The following KAT2B variants were observed in gnomAD, a reference collection of about 807,000 sequenced individuals.
KAT2B encodes the protein lysine acetyltransferase 2B, also known as histone acetyltransferase KAT2B.
In KAT2B, 36 loss-of-function variants were observed where a neutral mutation model predicts 105.9. The ratio of observed to expected loss-of-function variants is 0.34; its 90% CI spans 0.26 to 0.45. The LOEUF (loss-of-function observed/expected upper bound fraction) is 0.45, where lower values mean the gene tolerates loss of function less well. KAT2B is among the 20% of genes least tolerant of loss of function. The pLI, the probability that KAT2B is intolerant of heterozygous loss-of-function variation, is 1.00. For missense variants in KAT2B, 820 were observed against 1,021.6 expected, an observed-to-expected ratio of 0.80 and a Z score of 2.69; for synonymous variants, 397 against 377.9, an observed-to-expected ratio of 1.05 and a Z score of -0.59.
intron 1 of KAT2B, among the ~76,000 whole-genome samples, chr3:20,051,928 A>T (rs568393403): frequency 6.6e-6 from 1 of 152,352 alleles, no homozygotes; most frequent in East Asian, 1.9e-4. Flanking sequence ...TTTAACATTA[A>T]ATTCCATGGG....
At chr3:20,098,176 G>T (rs1386509665) in intron 3 of KAT2B, among the ~76,000 whole-genome samples, 1 of 151,618 alleles carries the variant, frequency 6.6e-6, no homozygotes, top group African/African-American at 2.4e-5. Context: ...GTTGCCATGA[G>T]CTGAGATCAT....
chr3:20,041,755 C>A (rs543992531), intron 1 of KAT2B, among the ~76,000 whole-genome samples: 12 of 152,344 alleles, frequency 7.9e-5, no homozygotes, highest in African/African-American at 2.9e-4. Flanking sequence ...CACACACTCA[C>A]ACCTCCCTGT....
chr3:20,075,667 A>C (rs1414696005), intron 2 of KAT2B, among the ~76,000 whole-genome samples: 1 of 151,492 alleles, frequency 6.6e-6, no homozygotes, highest in Admixed American at 6.6e-5. Context: ...GGATACACAG[A>C]CAGCCAGATG....
At chr3:20,106,279 G>C (rs1699001029) in intron 5 of KAT2B, among the ~76,000 whole-genome samples, 1 of 152,170 alleles carries the variant, frequency 6.6e-6, no homozygotes, top group Admixed American at 6.5e-5. Flanking sequence ...CTATCATTTT[G>C]CTTCTTTTTA....
Position 20,099,885 on chromosome 3 carries a change from A to G in KAT2B, c.600A>G (p.Gln200=), listed in dbSNP as rs766557229. The G allele has an allele frequency of 1.2e-5, 20 of 1,603,204 alleles. No individual in the cohort carries two copies. Among genetic ancestry groups the G allele is most frequent in the Non-Finnish European group, 1.5e-5 (18 of 1,172,480 alleles). Residue 200 remains glutamine (Q), a synonymous_variant, in exon 4 of 18, where the codon CAA becomes CAG. Coordinates refer to ENST00000263754, the MANE Select transcript of KAT2B (RefSeq NM_003884.5). The stretch of plus-strand genomic sequence containing the variant: ...AGCTCTTGAGAAAGTCTATTTTACA[A>G]AGAGGAAAACCTGTGGTTGAAGGCT... The part of the protein sequence containing the change: ...LFKLLRKSIL[Q]RGKPVVEGSL...
At chr3:20,123,572 T>C (rs908530638) in intron 9 of KAT2B, among the ~76,000 whole-genome samples, 1 of 152,252 alleles carries the variant, frequency 6.6e-6, no homozygotes, top group African/African-American at 2.4e-5. Flanking sequence ...AAAAGTTTGC[T>C]GACCTCTGGC....
In KAT2B at chr3:20,095,263, C is replaced by G. The variant is rs1698789235; in HGVS notation, c.431C>G (p.Ala144Gly). ...TATGTTTCTTTGATCTTATCATAAG[C>G]TGCTCATGTTTCCCACCTGGAGAAT... ...ESCRSCSHAL[A>G]AHVSHLENVS... Residue 144 changes from alanine (A) to glycine (G), a missense_variant and splice_region_variant, in exon 3 of 18, where the codon GCT (alanine) becomes GGT (glycine). Physicochemically the swap from Ala to Gly is moderately conservative, Grantham distance 60 (BLOSUM62 0). Around this residue, in one of 6 missense-constraint regions of KAT2B, gnomAD observed 173 missense variants for 249.5 expected, o/e 0.69. Transcript: ENST00000263754. 3.1e-6 allele frequency: 5 copies of G among 1,610,580 alleles called. No homozygotes were observed. In the East Asian group the frequency reaches 6.7e-5, roughly 22 times the overall value.
At chr3:20,113,242 G>C (rs1287982272) in intron 6 of KAT2B, among the ~76,000 whole-genome samples, 1 of 152,164 alleles carries the variant, frequency 6.6e-6, no homozygotes, top group African/African-American at 2.4e-5. Context: ...GATTGAAGCA[G>C]TTTTCTTACT....
At chr3:20,100,260 G>A (rs1192299156) in intron 4 of KAT2B, among the ~76,000 whole-genome samples, 2 of 152,154 alleles carry the variant, frequency 1.3e-5, no homozygotes, top group Admixed American at 6.5e-5. Flanking sequence ...CTTGTTGTTG[G>A]TGCTTTAAAA....
At chr3:20,069,831 G>C (rs980754264) in intron 1 of KAT2B, among the ~76,000 whole-genome samples, 1 of 151,972 alleles carries the variant, frequency 6.6e-6, no homozygotes, top group Non-Finnish European at 1.5e-5. Flanking sequence ...GCCCGGCCAA[G>C]CTTTTCTTGT....
chr3:20,126,528 A>C (rs1435423550), intron 10 of KAT2B, among the ~76,000 whole-genome samples: 1 of 151,764 alleles, frequency 6.6e-6, no homozygotes, highest in African/African-American at 2.4e-5. Context: ...TAAAAAAAAA[A>C]AACAAAAAAC....
chr3:20,047,103 T>C lies in KAT2B; in HGVS notation c.303+6323T>C, dbSNP rs1252269555. On this transcript the variant is annotated intron_variant, in intron 1 of 17. Transcript: ENST00000263754. ...CCCCTTTTTTTTTTCTGAGGCTTTT[T>C]TGAGGCAGGGTCTTACTCTGCTTCC... Among the ~76,000 whole-genome samples the C allele has an allele frequency of 2.6e-5, 4 of 151,960 alleles. No homozygotes were observed. In the East Asian group the frequency reaches 7.7e-4, roughly 29 times the overall value.
Position 20,075,368 on chromosome 3 carries a change from C to T in KAT2B, c.430+2909C>T, listed in dbSNP as rs564478076. Among the ~76,000 whole-genome samples the T allele has an allele frequency of 6.6e-5, 10 of 151,808 alleles. No individual in the cohort carries two copies. The East Asian group carries it at 1.2e-3, about 18-fold the overall frequency. ...TGTGTGGGTTTTTTTTTTCTTCACT[C>T]ACCAAGCAATTCTCCCACTCTCTGA... On this transcript the variant is annotated intron_variant, in intron 2 of 17. Coordinates refer to ENST00000263754, the MANE Select transcript of KAT2B (RefSeq NM_003884.5).
chr3:20,059,438 C>CCAGG (rs1432982813), intron 1 of KAT2B, among the ~76,000 whole-genome samples: 1 of 137,800 alleles, frequency 7.3e-6, no homozygotes, highest in African/African-American at 2.8e-5. Flanking sequence ...AAAAAAAAGG[C>CCAGG]CAGGCGTGGT....
intron 11 of KAT2B, 133 bp from the exon 12 acceptor site, chr3:20,136,809 C>A (rs1250248735): frequency 2.2e-6 from 1 of 461,434 alleles, no homozygotes; most frequent in South Asian, 5.7e-5. Context: ...TAATATATTT[C>A]ATTCAGGAAA....
Position 20,121,325 on chromosome 3 carries a change from A to G in KAT2B, c.1277-1343A>G, listed in dbSNP as rs144181808. 1.5e-4 allele frequency among the ~76,000 whole-genome samples: 23 copies of G among 152,360 alleles called. No homozygotes were observed. The East Asian group carries it at 3.9e-3, about 26-fold the overall frequency. Reference sequence around the variant, plus strand: ...ATATTGAGATAGCAGTGGGATTCACATGTGAGGAAATAAATTAGATCTAGA... The same window carrying G: ...ATATTGAGATAGCAGTGGGATTCACGTGTGAGGAAATAAATTAGATCTAGA... On this transcript the variant is annotated intron_variant, in intron 8 of 17. Transcript: ENST00000263754.
intron 1 of KAT2B, among the ~76,000 whole-genome samples, chr3:20,060,630 A>C (rs1232641855): frequency 1.3e-5 from 2 of 150,436 alleles, no homozygotes. Flanking sequence ...CACAAACAAC[A>C]AACTGTGGTA....
At chr3:20,100,070 T>C in intron 4 of KAT2B, 116 bp downstream of exon 4, 1 of 617,996 alleles carries the variant, frequency 1.6e-6, no homozygotes, top group South Asian at 2.1e-5. Context: ...TAGAGATGTT[T>C]ACCAGTCTGT....
At chr3:20,140,445 G>A in intron 13 of KAT2B, 81 bp downstream of exon 13, 4 of 1,428,360 alleles carry the variant, frequency 2.8e-6, no homozygotes, top group Non-Finnish European at 2.9e-6. Context: ...GGTGCTGCGT[G>A]TATGTGTTTA....
Sources: allele counts gnomAD v4.1 joint callset (sites outside exome capture counted in the v4.1 genomes callset), GRCh38; gene constraint gnomAD v4.1.1; regional missense constraint gnomAD v4.1.1; transcripts MANE v1.5; gene names NCBI Gene and HGNC (gene_info 2026-07-23, HGNC 2026-07-21).